KIAA1328: variants seen among roughly 807,000 people sequenced by gnomAD.
KIAA1328 encodes the protein KIAA1328, also known as protein hinderin.
In KIAA1328, 52 loss-of-function variants were observed where a neutral mutation model predicts 68.1. The observed-to-expected ratio is 0.76, with a 90% confidence interval of 0.61 to 0.96. KIAA1328 has a LOEUF of 0.96. KIAA1328 is among the 40% of genes least tolerant of loss of function. The pLI is 0.00. For synonymous variants in KIAA1328, 232 were observed against 239.4 expected (o/e 0.97, Z 0.28); for missense variants, 641 against 677.6 (o/e 0.95, Z 0.60).
At chr18:36,915,476 A>C (rs1265486561) in intron 5 of KIAA1328, among the ~76,000 whole-genome samples, 1 of 152,218 alleles carries the variant, frequency 6.6e-6, no homozygotes, top group East Asian at 1.9e-4. Flanking sequence ...AAGTCTGAAA[A>C]CTCAACAATA....
chr18:36,950,858 C>T (rs960709722), intron 5 of KIAA1328, among the ~76,000 whole-genome samples: 3 of 152,150 alleles, frequency 2.0e-5, no homozygotes, highest in African/African-American at 7.2e-5. Context: ...AATAAAACAT[C>T]TCTCTTTTGT....
Position 37,148,766 on chromosome 18 carries a change from C to A in KIAA1328, c.1233-11434C>A, listed in dbSNP as rs76369199. ...TGTTTGTTGGCTGCGTGAATGTCTT[C>A]TTTTGAGAAGTGTGTATTCATGTCC... On this transcript the variant is annotated intron_variant, in intron 7 of 9. Coordinates refer to ENST00000280020, the MANE Select transcript of KIAA1328 (RefSeq NM_020776.3). Among the ~76,000 whole-genome samples the A allele has an allele frequency of 3.1e-3, 479 of 152,250 alleles. 3 individuals carry two copies. Among genetic ancestry groups the A allele is most frequent in the African/African-American group, 0.011 (458 of 41,550 alleles).
intron 7 of KIAA1328, among the ~76,000 whole-genome samples, chr18:37,134,700 T>G (rs1054049735): frequency 6.6e-6 from 1 of 152,242 alleles, no homozygotes; most frequent in Non-Finnish European, 1.5e-5. Context: ...TTAAATTTTT[T>G]AAAATAATTT....
chr18:37,032,441 T>A (rs1452368352), intron 6 of KIAA1328, among the ~76,000 whole-genome samples: 1 of 152,130 alleles, frequency 6.6e-6, no homozygotes, highest in Non-Finnish European at 1.5e-5. Flanking sequence ...AGTTTTCATC[T>A]AGTATCATTT....
At chr18:37,015,926 T>C (rs1204521434) in intron 6 of KIAA1328, among the ~76,000 whole-genome samples, 2 of 152,214 alleles carry the variant, frequency 1.3e-5, no homozygotes, top group Non-Finnish European at 2.9e-5. Flanking sequence ...TTCCTGGATA[T>C]AGAATCATAT....
At chr18:37,118,161 A>G (rs921708034) in intron 7 of KIAA1328, among the ~76,000 whole-genome samples, 2 of 151,646 alleles carry the variant, frequency 1.3e-5, no homozygotes, top group South Asian at 4.2e-4. Context: ...CACCCATCCA[A>G]TTTTTGTGTT....
chr18:36,852,228 G>A (rs888174387), intron 4 of KIAA1328, among the ~76,000 whole-genome samples: 7 of 152,042 alleles, frequency 4.6e-5, no homozygotes, highest in African/African-American at 1.7e-4. Context: ...TGTTCCATGT[G>A]CACTTGGGAA....
chr18:37,187,301 C>A (rs2059822600), intron 9 of KIAA1328, among the ~76,000 whole-genome samples: 1 of 152,204 alleles, frequency 6.6e-6, no homozygotes, highest in Admixed American at 6.5e-5. Flanking sequence ...GCTGTTTCTT[C>A]CGATGGGAAA....
intron 5 of KIAA1328, among the ~76,000 whole-genome samples, chr18:36,942,810 T>C (rs923758448): frequency 5.3e-5 from 8 of 152,186 alleles, no homozygotes; most frequent in African/African-American, 1.7e-4. Context: ...CGAATGTTTT[T>C]AGCTATATTA....
intron 6 of KIAA1328, among the ~76,000 whole-genome samples, chr18:36,993,109 AAAAC>A (rs988874613): frequency 2.6e-5 from 4 of 152,156 alleles, no homozygotes; most frequent in South Asian, 2.1e-4. Flanking sequence ...CTGTCTCAAA[AAAAC>A]AAACAAACAA....
chr18:37,086,142 A>T (rs323297), intron 7 of KIAA1328, among the ~76,000 whole-genome samples: 40,678 of 152,030 alleles, frequency 0.27, 8,592 homozygotes, highest in African/African-American at 0.59. Flanking sequence ...AGCTTGAATA[A>T]GTTCTGGAGG....
At chr18:37,007,932 A>G (rs1006386052) in intron 6 of KIAA1328, among the ~76,000 whole-genome samples, 1 of 152,200 alleles carries the variant, frequency 6.6e-6, no homozygotes, top group Non-Finnish European at 1.5e-5. Flanking sequence ...TAGTTTGGAA[A>G]GTTTTTCTTT....
At chr18:37,184,666 A>G (rs2059761083) in intron 9 of KIAA1328, among the ~76,000 whole-genome samples, 1 of 152,194 alleles carries the variant, frequency 6.6e-6, no homozygotes, top group Non-Finnish European at 1.5e-5. Context: ...CTTCACATGG[A>G]ACCTAAGTTT....
chr18:37,150,192 A>C (rs922555075), intron 7 of KIAA1328, among the ~76,000 whole-genome samples: 1 of 152,172 alleles, frequency 6.6e-6, no homozygotes, highest in Non-Finnish European at 1.5e-5. Flanking sequence ...AGAAGAAATA[A>C]TATCAATCTT....
intron 4 of KIAA1328, among the ~76,000 whole-genome samples, chr18:36,848,538 A>G (rs2047104031): frequency 2.0e-5 from 1 of 50,404 alleles, no homozygotes; most frequent in Non-Finnish European, 3.6e-5. Context: ...CAATCTATAG[A>G]TGCTTTTTTT....
At chr18:37,031,054 T>G (rs1290545134) in intron 6 of KIAA1328, among the ~76,000 whole-genome samples, 2 of 152,220 alleles carry the variant, frequency 1.3e-5, no homozygotes, top group Non-Finnish European at 1.5e-5. Flanking sequence ...GGTGTATATG[T>G]GCCACATTTT....
intron 9 of KIAA1328, among the ~76,000 whole-genome samples, chr18:37,181,297 A>G (rs542993902): frequency 6.6e-6 from 1 of 152,296 alleles, no homozygotes; most frequent in African/African-American, 2.4e-5. Context: ...ATATGAAGCT[A>G]TAAACATGCC....
At chr18:36,872,244 A>G (rs1451428336) in intron 4 of KIAA1328, among the ~76,000 whole-genome samples, 2 of 152,124 alleles carry the variant, frequency 1.3e-5, no homozygotes, top group East Asian at 1.9e-4. Flanking sequence ...TCCAAGAACT[A>G]TGGAAGAGGA....
chr18:36,984,837 C>T (rs1022021335), intron 6 of KIAA1328, among the ~76,000 whole-genome samples: 4 of 136,656 alleles, frequency 2.9e-5, no homozygotes, highest in African/African-American at 8.3e-5. Context: ...ACCCAGGAGG[C>T]GGAGCTTGCA....
Sources: allele counts gnomAD v4.1 joint callset (sites outside exome capture counted in the v4.1 genomes callset), GRCh38; gene constraint gnomAD v4.1.1; transcripts MANE v1.5; gene names NCBI Gene and HGNC (gene_info 2026-07-23, HGNC 2026-07-21).